Variants in NCOR1 observed in about 807,000 individuals in gnomAD.
NCOR1 encodes nuclear receptor corepressor 1, also known as protein phosphatase 1, regulatory subunit 109.
In NCOR1, 63 loss-of-function variants were observed where a neutral mutation model predicts 288.1. The observed-to-expected ratio is 0.22, with a 90% CI of 0.18 to 0.27. The LOEUF is 0.27. Among genes scored for constraint, NCOR1 ranks in the 10% least tolerant of loss-of-function variants. The pLI is 1.00. For synonymous variants in NCOR1, 1,007 were observed against 1,065.9 expected, an observed-to-expected ratio of 0.94 and a Z score of 1.08; for missense variants, 2,397 against 3,019.2, an observed-to-expected ratio of 0.79 and a Z score of 4.83.
intron 44 of NCOR1, 132 bp downstream of exon 44, chr17:16,039,301 C>T (rs1368308706): frequency 7.0e-6 from 6 of 857,196 alleles, no homozygotes; most frequent in African/African-American, 3.4e-5. Flanking sequence ...TTTTAAGTAA[C>T]GGAAACCCTA....
Position 16,162,500 on chromosome 17 carries a change from A to T in NCOR1, c.618+2479T>A, listed in dbSNP as rs2081065249. Among the ~76,000 whole-genome samples, 3 of 152,002 alleles carry T rather than the reference A, an allele frequency of 2.0e-5. No individual in the cohort carries two copies. In the South Asian group the frequency reaches 6.2e-4, roughly 32 times the overall value. The stretch of plus-strand genomic sequence containing the variant: ...AAAACACCTAAATGTATCATCATAA[A>T]AATAACAGAACCCCGAAGAAAAGAA... On this transcript the variant is annotated intron_variant, in intron 5 of 45. Transcript: ENST00000268712.
At chr17:16,066,274 G>GA (rs374190171) in intron 32 of NCOR1, among the ~76,000 whole-genome samples, 1 of 152,164 alleles carries the variant, frequency 6.6e-6, no homozygotes, top group African/African-American at 2.4e-5. Context: ...AAGAGCTACG[G>GA]AAAAAAAGAA....
chr17:16,040,617 C>T, intron 42 of NCOR1, 123 bp from the exon 43 acceptor site: 1 of 877,048 alleles, frequency 1.1e-6, no homozygotes. Context: ...ACCTTTATTT[C>T]TCACCCATTA....
intron 18 of NCOR1, among the ~76,000 whole-genome samples, chr17:16,112,840 A>G (rs967225967): frequency 2.0e-5 from 3 of 152,154 alleles, no homozygotes; most frequent in Non-Finnish European, 4.4e-5. Flanking sequence ...GACACTTACT[A>G]TATCAGAAAC....
chr17:16,154,015 CTTTTTT>C (rs61436082), intron 6 of NCOR1, among the ~76,000 whole-genome samples: 6 of 109,682 alleles, frequency 5.5e-5, no homozygotes, highest in Non-Finnish European at 1.0e-4. Context: ...ATGCTATTTC[CTTTTTT>C]TTTTTTTTTT....
chr17:16,152,384 A>G (rs961222965), intron 7 of NCOR1, among the ~76,000 whole-genome samples: 3 of 150,922 alleles, frequency 2.0e-5, no homozygotes. Context: ...ATTCCCATCT[A>G]TGAGTGGGAA....
chr17:16,181,280 G>GA (rs1449631591), intron 3 of NCOR1, among the ~76,000 whole-genome samples: 2 of 138,362 alleles, frequency 1.4e-5, no homozygotes, highest in African/African-American at 2.6e-5. Flanking sequence ...CTTTAAAAAA[G>GA]AAAAAAATCC....
At chr17:16,127,317 GTA>G (rs79387612) in intron 14 of NCOR1, among the ~76,000 whole-genome samples, 1 of 36,142 alleles carries the variant, frequency 2.8e-5, no homozygotes, top group African/African-American at 6.7e-5. Flanking sequence ...ATACATGTAT[GTA>G]TATATGTATG....
intron 38 of NCOR1, 157 bp downstream of exon 38, chr17:16,058,313 TA>T: frequency 2.9e-6 from 3 of 1,017,844 alleles, no homozygotes; most frequent in South Asian, 2.1e-5. Context: ...CATTAAAAAA[TA>T]AAAAAGAATC....
At chr17:16,057,084 T>G in intron 40 of NCOR1, 1 of 157,192 alleles carries the variant, frequency 6.4e-6, no homozygotes. Context: ...TCCTCCTACC[T>G]CAGCCTCCCA....
intron 21 of NCOR1, among the ~76,000 whole-genome samples, chr17:16,097,601 T>C (rs35775370): frequency 2.1e-3 from 318 of 152,300 alleles, no homozygotes; most frequent in Non-Finnish European, 2.7e-3. Context: ...CAGACCTAGA[T>C]AGGAGACAGA....
chr17:16,138,140 A>G lies in NCOR1; in HGVS notation c.1407+18T>C, dbSNP rs775484463. The G allele has an allele frequency of 4.4e-6, 7 of 1,603,946 alleles. No individual in the cohort carries two copies. In the Admixed American group the frequency reaches 5.0e-5, roughly 11 times the overall value. On this transcript the variant is annotated intron_variant, in intron 13 of 45. Coordinates refer to ENST00000268712, the MANE Select transcript of NCOR1 (RefSeq NM_006311.4). ...CATCACAAACCTACAAACACTCCCA[A>G]TGCAAACCATGTCTTACCTTCCTCT... is the stretch of plus-strand genomic sequence containing the variant.
chr17:16,158,914 A>C (rs1315508242), intron 5 of NCOR1, 41 bp from the exon 6 acceptor site: 2 of 1,404,518 alleles, frequency 1.4e-6, no homozygotes, highest in Non-Finnish European at 2.0e-6. Context: ...TGTGCTGCAC[A>C]CCACACCCAG....
intron 12 of NCOR1, 39 bp downstream of exon 12, chr17:16,138,969 G>T: frequency 7.2e-7 from 1 of 1,384,550 alleles, no homozygotes; most frequent in Non-Finnish European, 9.7e-7. Context: ...ACTAACTTAT[G>T]TAGATGTCTA....
intron 15 of NCOR1, among the ~76,000 whole-genome samples, chr17:16,125,264 G>A (rs377295211): frequency 3.3e-5 from 5 of 152,224 alleles, no homozygotes; most frequent in South Asian, 4.1e-4. Context: ...TTGGGAGGCC[G>A]AGGCACAAGA....
chr17:16,178,782 T>C (rs959644624), intron 3 of NCOR1, among the ~76,000 whole-genome samples: 2 of 152,076 alleles, frequency 1.3e-5, no homozygotes, highest in Non-Finnish European at 2.9e-5. Context: ...CTGAATTCTC[T>C]CTCCAAACTT....
chr17:16,172,424 T>C (rs1226327069), intron 3 of NCOR1, among the ~76,000 whole-genome samples: 1 of 152,050 alleles, frequency 6.6e-6, no homozygotes, highest in East Asian at 1.9e-4. Flanking sequence ...AAACAGAACA[T>C]TTGCAGAAAG....
intron 1 of NCOR1, among the ~76,000 whole-genome samples, chr17:16,196,516 AAAT>A (rs2089832348): frequency 6.6e-6 from 1 of 152,278 alleles, no homozygotes; most frequent in African/African-American, 2.4e-5. Flanking sequence ...AAGAAAATTA[AAAT>A]AATAATAATA....
chr17:16,157,001 A>C (rs1268490508), intron 6 of NCOR1, among the ~76,000 whole-genome samples: 1 of 152,168 alleles, frequency 6.6e-6, no homozygotes, highest in Non-Finnish European at 1.5e-5. Flanking sequence ...TAAAAAAAAA[A>C]ACTATCAAAT....
Sources: gnomAD v4.1 joint callset for allele counts (sites outside exome capture counted in the v4.1 genomes callset) on GRCh38, gnomAD v4.1.1 for gene constraint, MANE v1.5 for transcripts, NCBI Gene and HGNC (gene_info 2026-07-23, HGNC 2026-07-21) for gene names.